CCDC192: variants seen among roughly 807,000 people sequenced by gnomAD.
CCDC192 encodes the protein coiled-coil domain-containing protein 192.
chr5:127,939,886 A>G (rs1367745056), intron 6 of CCDC192, among the ~76,000 whole-genome samples: 1 of 152,198 alleles, frequency 6.6e-6, no homozygotes, highest in Non-Finnish European at 1.5e-5. Flanking sequence ...CGTGGAGACC[A>G]CGCATCAGGT....
intron 5 of CCDC192, among the ~76,000 whole-genome samples, chr5:127,855,026 C>T (rs1224028493): frequency 2.6e-5 from 4 of 152,026 alleles, no homozygotes; most frequent in Non-Finnish European, 4.4e-5. Context: ...AACAATTATC[C>T]GAGCCTTCAG....
chr5:127,755,294 T>C (rs73783964), intron 3 of CCDC192, among the ~76,000 whole-genome samples: 1 of 152,180 alleles, frequency 6.6e-6, no homozygotes, highest in African/African-American at 2.4e-5. Flanking sequence ...TGAAACCTAA[T>C]TGCATCAGAA....
At chr5:127,791,302 A>G (rs1387746896) in intron 3 of CCDC192, among the ~76,000 whole-genome samples, 1 of 152,272 alleles carries the variant, frequency 6.6e-6, no homozygotes, top group African/African-American at 2.4e-5. Flanking sequence ...TTAAAAGCCA[A>G]AGAAAGATAA....
At chr5:127,840,003 A>G (rs1750212970) in intron 5 of CCDC192, among the ~76,000 whole-genome samples, 1 of 152,206 alleles carries the variant, frequency 6.6e-6, no homozygotes, top group Non-Finnish European at 1.5e-5. Context: ...AGAGCATATG[A>G]CACTTAATAA....
intron 6 of CCDC192, among the ~76,000 whole-genome samples, chr5:127,878,442 G>A (rs1237884515): frequency 6.6e-6 from 1 of 152,222 alleles, no homozygotes; most frequent in Non-Finnish European, 1.5e-5. Flanking sequence ...TGGATTAGGA[G>A]AAATCCACTT....
At chr5:127,806,283 G>T (rs557897646) in intron 5 of CCDC192, among the ~76,000 whole-genome samples, 1 of 152,064 alleles carries the variant, frequency 6.6e-6, no homozygotes, top group Non-Finnish European at 1.5e-5. Context: ...ATCACACAAG[G>T]ACCCTGGCTG....
intron 2 of CCDC192, among the ~76,000 whole-genome samples, chr5:127,733,603 T>A (rs1318769782): frequency 6.6e-6 from 1 of 152,158 alleles, no homozygotes; most frequent in Admixed American, 6.5e-5. Context: ...TTTCAGAGGT[T>A]CTTTAGGAGA....
At chr5:127,803,895 T>G (rs1757640478) in intron 5 of CCDC192, among the ~76,000 whole-genome samples, 1 of 152,170 alleles carries the variant, frequency 6.6e-6, no homozygotes, top group South Asian at 2.1e-4. Flanking sequence ...GTTAAAAACA[T>G]CCAGATGAAG....
chr5:127,737,227 T>C (rs1469783223), intron 2 of CCDC192, among the ~76,000 whole-genome samples: 1 of 152,128 alleles, frequency 6.6e-6, no homozygotes, highest in Non-Finnish European at 1.5e-5. Flanking sequence ...AGTTTCCATG[T>C]AGTTGAGCGG....
At chr5:127,931,014 T>G (rs180927883) in intron 6 of CCDC192, among the ~76,000 whole-genome samples, 28 of 152,370 alleles carry the variant, frequency 1.8e-4, no homozygotes, top group Non-Finnish European at 2.9e-4. Context: ...CTTATCAGTC[T>G]TCTTGGACAT....
intron 2 of CCDC192, among the ~76,000 whole-genome samples, chr5:127,746,550 TATA>T (rs1448871259): frequency 6.6e-6 from 1 of 152,158 alleles, no homozygotes; most frequent in African/African-American, 2.4e-5. Flanking sequence ...CATTTCTGCA[TATA>T]ATGTCTTACA....
At chr5:127,902,221 G>A (rs900236747) in intron 6 of CCDC192, among the ~76,000 whole-genome samples, 26 of 152,192 alleles carry the variant, frequency 1.7e-4, no homozygotes, top group African/African-American at 5.8e-4. Flanking sequence ...TCAGTGAGTC[G>A]ACATCCTGCC....
upstream of CCDC192, among the ~76,000 whole-genome samples, chr5:127,702,910 A>T (rs529216104): frequency 6.6e-6 from 1 of 152,346 alleles, no homozygotes. Context: ...ATCAGGCACA[A>T]TGAATCACTT....
Position 127,941,463 on chromosome 5 carries a change from T to C in CCDC192, c.817T>C (p.Leu273=), listed in dbSNP as rs1332534233. 1 of 398,966 alleles carries C rather than the reference T, an allele frequency of 2.5e-6. No homozygotes were observed. Among genetic ancestry groups the C allele is most frequent in the Non-Finnish European group, 4.4e-6 (1 of 226,066 alleles). The allele number at this position is 398,966 out of a possible 1,614,324, so 24.7% of individuals were successfully genotyped here. The change falls in exon 7 of 7, where the codon TTG becomes CTG. Residue 273 remains leucine, a synonymous_variant. Coordinates refer to ENST00000514853, the MANE Select transcript of CCDC192 (RefSeq NM_001317938.2). ...CCCACCTGTGGTCTCTGATGAGAATTTGTAGATTCCCAATAAGAAAACAAT... is the reference window on the plus strand; with the variant it reads ...CCCACCTGTGGTCTCTGATGAGAATCTGTAGATTCCCAATAAGAAAACAAT... The part of the protein sequence containing the change: ...DIPPVVSDEN[L]
chr5:127,718,398 A>G (rs1751762543), intron 2 of CCDC192, among the ~76,000 whole-genome samples: 1 of 152,206 alleles, frequency 6.6e-6, no homozygotes, highest in Middle Eastern at 3.2e-3. Flanking sequence ...TTGTTTCATC[A>G]GATACCCATG....
At chr5:127,932,445 C>A (rs1191488612) in intron 6 of CCDC192, among the ~76,000 whole-genome samples, 1 of 152,012 alleles carries the variant, frequency 6.6e-6, no homozygotes, top group Non-Finnish European at 1.5e-5. Context: ...TTCAGGTGAT[C>A]CTCCCACTTC....
At chr5:127,916,049 C>T (rs917347509) in intron 6 of CCDC192, among the ~76,000 whole-genome samples, 3 of 152,242 alleles carry the variant, frequency 2.0e-5, no homozygotes, top group African/African-American at 7.2e-5. Context: ...AGTCGGTCCT[C>T]TCAGAACCTG....
chr5:127,786,660 C>G (rs1201889639), intron 3 of CCDC192: 1 of 760,890 alleles, frequency 1.3e-6, no homozygotes, highest in Non-Finnish European at 2.5e-6. Flanking sequence ...CAGCACTTTG[C>G]TTGAAAATCA....
chr5:127,738,857 C>T (rs1037107371), intron 2 of CCDC192, among the ~76,000 whole-genome samples: 1 of 152,022 alleles, frequency 6.6e-6, no homozygotes, highest in African/African-American at 2.4e-5. Flanking sequence ...TTTTCAACTT[C>T]TTTGCCTTTG....
Sources: gnomAD v4.1 joint callset for allele counts (sites outside exome capture counted in the v4.1 genomes callset) on GRCh38, gnomAD v4.1.1 for gene constraint, MANE v1.5 for transcripts, NCBI Gene and HGNC (gene_info 2026-07-23, HGNC 2026-07-21) for gene names.